The following RPS6KC1 variants were observed in gnomAD, a reference collection of about 807,000 sequenced individuals.
RPS6KC1 encodes inactive ribosomal protein S6 kinase delta-1.
Under a neutral mutation model 103.8 loss-of-function variants are expected in RPS6KC1, and 54 were observed. That is an observed-to-expected ratio of 0.52 (90% CI 0.42 to 0.65). The LOEUF is 0.65. Among genes scored for constraint, RPS6KC1 ranks in the 30% least tolerant of loss-of-function variants. RPS6KC1 has a pLI of 0.00. For missense variants in RPS6KC1, 1,151 were observed against 1,253.8 expected, an observed-to-expected ratio of 0.92 and a Z score of 1.24; for synonymous variants, 439 against 438.7, an observed-to-expected ratio of 1.00 and a Z score of -0.01.
the RPS6KC1 span, among the ~76,000 whole-genome samples, chr1:213,497,244 G>A: frequency 6.6e-6 from 1 of 152,120 alleles, no homozygotes; most frequent in Non-Finnish European, 1.5e-5. Flanking sequence ...TATAGCATAT[G>A]TTTGTTCTTT....
Position 213,242,635 on chromosome 1 carries a change from T to A in RPS6KC1, c.2888T>A (p.Ile963Lys), listed in dbSNP as rs768320759. Residue 963 changes from isoleucine to lysine, a missense_variant, in exon 12 of 15, where the codon ATA becomes AAA. This residue lies in a region of RPS6KC1 where 189 missense variants were observed against 228.8 expected (regional missense o/e 0.83). Transcript: ENST00000366960. Reference protein sequence around the residue: ...EVEDSCDSDAIERMYCAPEVG... With the variant: ...EVEDSCDSDAKERMYCAPEVG... ...GAAGATTCCTGTGACAGCGATGCCA[T>A]AGAGAGAATGTACTGTGCCCCAGGT... is the stretch of plus-strand genomic sequence containing the variant. 1 of 1,596,000 alleles carries A rather than the reference T, an allele frequency of 6.3e-7. No homozygotes were observed. Among genetic ancestry groups the A allele is most frequent in the Non-Finnish European group, 8.6e-7 (1 of 1,169,426 alleles).
At chr1:213,257,666 G>A (rs991940076) in intron 12 of RPS6KC1, among the ~76,000 whole-genome samples, 1 of 151,822 alleles carries the variant, frequency 6.6e-6, no homozygotes, top group Non-Finnish European at 1.5e-5. Flanking sequence ...TATCATTATT[G>A]CAATGTGTAC....
chr1:213,703,811 T>C, the RPS6KC1 span, among the ~76,000 whole-genome samples: 1 of 152,152 alleles, frequency 6.6e-6, no homozygotes, highest in Admixed American at 6.5e-5. Flanking sequence ...TGGCCTTCTT[T>C]GGGTTAATCT....
chr1:213,134,576 T>G (rs765571775), intron 6 of RPS6KC1, among the ~76,000 whole-genome samples: 2 of 152,120 alleles, frequency 1.3e-5, no homozygotes, highest in Non-Finnish European at 2.9e-5. Flanking sequence ...TTTTTATAGT[T>G]TATTCTTGGG....
intron 10 of RPS6KC1, among the ~76,000 whole-genome samples, chr1:213,235,326 C>T (rs988104139): frequency 1.3e-5 from 2 of 152,102 alleles, no homozygotes; most frequent in South Asian, 4.1e-4. Context: ...GAAGACTTTG[C>T]CTGCATGGAG....
the RPS6KC1 span, among the ~76,000 whole-genome samples, chr1:213,569,631 A>G: frequency 2.2e-3 from 332 of 152,322 alleles, no homozygotes; most frequent in African/African-American, 7.3e-3. Context: ...TGTTCAGCAT[A>G]TAAATTACTA....
At chr1:213,685,177 A>T in the RPS6KC1 span, among the ~76,000 whole-genome samples, 1 of 152,224 alleles carries the variant, frequency 6.6e-6, no homozygotes, top group Non-Finnish European at 1.5e-5. Context: ...GTTTGAGGAC[A>T]AGAACTGCGC....
At chr1:213,745,773 C>T in the RPS6KC1 span, among the ~76,000 whole-genome samples, 1 of 152,186 alleles carries the variant, frequency 6.6e-6, no homozygotes, top group Non-Finnish European at 1.5e-5. Flanking sequence ...GACTCCCGTC[C>T]TCCCGCACTT....
At chr1:213,530,090 T>C in the RPS6KC1 span, among the ~76,000 whole-genome samples, 2 of 151,664 alleles carry the variant, frequency 1.3e-5, no homozygotes, top group Admixed American at 6.6e-5. Context: ...TTAGGGTACA[T>C]GTGCACAACG....
the RPS6KC1 span, among the ~76,000 whole-genome samples, chr1:213,601,912 CT>C: frequency 1.4e-5 from 2 of 144,774 alleles, no homozygotes; most frequent in Admixed American, 1.4e-4. Flanking sequence ...TTTCCCTTCC[CT>C]TCCCTCCCTC....
the RPS6KC1 span, among the ~76,000 whole-genome samples, chr1:213,363,889 A>G: frequency 6.9e-6 from 1 of 144,358 alleles, no homozygotes; most frequent in East Asian, 2.0e-4. Flanking sequence ...ACTTCTACCT[A>G]TATTTCATTG....
the RPS6KC1 span, among the ~76,000 whole-genome samples, chr1:213,678,289 A>G: frequency 6.6e-6 from 1 of 152,250 alleles, no homozygotes; most frequent in Non-Finnish European, 1.5e-5. Flanking sequence ...AGAAGCTTGC[A>G]GACACACTAG....
chr1:213,187,503 C>A (rs2092582599), intron 8 of RPS6KC1, among the ~76,000 whole-genome samples: 1 of 151,990 alleles, frequency 6.6e-6, no homozygotes, highest in African/African-American at 2.4e-5. Flanking sequence ...GCCTCGGCCT[C>A]CCACAGTGTT....
At chr1:213,643,006 G>A in the RPS6KC1 span, among the ~76,000 whole-genome samples, 75 of 151,738 alleles carry the variant, frequency 4.9e-4, 1 homozygote, top group African/African-American at 1.6e-3. Context: ...TAGTTTTAGA[G>A]CTATATTTTA....
At chr1:213,198,823 C>T (rs1260902678) in intron 8 of RPS6KC1, among the ~76,000 whole-genome samples, 1 of 152,096 alleles carries the variant, frequency 6.6e-6, no homozygotes, top group East Asian at 1.9e-4. Flanking sequence ...AGAGGGAATA[C>T]TTCTAACTCA....
chr1:213,795,652 T>C, the RPS6KC1 span, among the ~76,000 whole-genome samples: 2 of 152,112 alleles, frequency 1.3e-5, no homozygotes, highest in Non-Finnish European at 2.9e-5. Flanking sequence ...GTTGTTTCTG[T>C]TTCGTTTTAT....
chr1:213,141,651 T>C (rs77857952), intron 6 of RPS6KC1, among the ~76,000 whole-genome samples: 1,590 of 152,146 alleles, frequency 0.01, 29 homozygotes, highest in African/African-American at 0.036. Context: ...TTTTGGTTAT[T>C]TCTTTTCTTT....
the RPS6KC1 span, among the ~76,000 whole-genome samples, chr1:213,720,641 G>T: frequency 2.0e-5 from 3 of 152,222 alleles, no homozygotes; most frequent in African/African-American, 7.2e-5. Flanking sequence ...GGTTCTTAGA[G>T]ATGGTGACCC....
chr1:213,516,331 G>A, the RPS6KC1 span, among the ~76,000 whole-genome samples: 1 of 152,122 alleles, frequency 6.6e-6, no homozygotes, highest in Admixed American at 6.6e-5. Flanking sequence ...AATGCTTCCA[G>A]TTTTTGCCCA....
Sources: allele counts gnomAD v4.1 joint callset (sites outside exome capture counted in the v4.1 genomes callset), GRCh38; gene constraint gnomAD v4.1.1; regional missense constraint gnomAD v4.1.1; transcripts MANE v1.5; gene names NCBI Gene and HGNC (gene_info 2026-07-23, HGNC 2026-07-21).